Variants in ZNF683 observed in about 807,000 individuals in gnomAD.
ZNF683 encodes zinc finger protein 683, also known as tissue-resident T-cell transcription regulator protein ZNF683.
ZNF683 carries 20 observed loss-of-function variants against 31.4 expected under a neutral mutation model. The observed-to-expected ratio is 0.64, with a 90% CI of 0.45 to 0.93. The LOEUF is 0.93. Among genes scored for constraint, ZNF683 ranks in the 40% least tolerant of loss-of-function variants. ZNF683 has a pLI of 0.00. For missense variants in ZNF683, 621 were observed against 637.2 expected (o/e 0.97, Z 0.27); for synonymous variants, 264 against 267.6 (o/e 0.99, Z 0.13).
chr1:26,372,420 A>G (rs1000357740), intron 1 of ZNF683: 1 of 1,242,938 alleles, frequency 8.0e-7, no homozygotes, highest in Non-Finnish European at 1.1e-6. Context: ...ACCTCCCATT[A>G]TAAAAGCCGA....
In ZNF683 at chr1:26,368,459, T is replaced by G; in HGVS notation, c.113A>C (p.Gln38Pro). ...SLDFQLFRGDQVFSACRPLPD... is the reference protein window; with the variant it reads ...SLDFQLFRGDPVFSACRPLPD... ...GGTAAGGCTGGGGTTCTACCTTACC[T>G]GGTCACCTCGGAAGAGCTGGAAGTC... Residue 38 changes from glutamine to proline, a missense_variant and splice_region_variant, in exon 2 of 6, where the codon CAG (glutamine) becomes CCG (proline). By Grantham distance (76) the Gln-to-Pro change is moderately conservative. Transcript: ENST00000349618. The G allele has an allele frequency of 6.3e-7, 1 of 1,584,464 alleles. No homozygotes were observed.
At chr1:26,371,540 C>T (rs1394927596) in intron 1 of ZNF683, among the ~76,000 whole-genome samples, 2 of 151,336 alleles carry the variant, frequency 1.3e-5, no homozygotes, top group Non-Finnish European at 2.9e-5. Context: ...TATAAGGCTG[C>T]AGTGAACTAG....
intron 2 of ZNF683, among the ~76,000 whole-genome samples, chr1:26,368,256 C>A (rs2074578028): frequency 6.6e-6 from 1 of 152,226 alleles, no homozygotes; most frequent in Non-Finnish European, 1.5e-5. Flanking sequence ...TCTTATTCCC[C>A]ACAGGAGAGT....
At chr1:26,362,070 A>C in intron 5 of ZNF683, 48 bp from the exon 6 acceptor site, 2 of 1,614,010 alleles carry the variant, frequency 1.2e-6, no homozygotes, top group Non-Finnish European at 1.7e-6. Context: ...GGGCTGGCTC[A>C]GGCATTCTAC....
chr1:26,362,211 T>C (rs1398421643), intron 5 of ZNF683, 189 bp from the exon 6 acceptor site: 1 of 1,556,802 alleles, frequency 6.4e-7, no homozygotes, highest in African/African-American at 1.4e-5. Flanking sequence ...TGGGTTAGTG[T>C]CCTTTACTCC....
rs113902566 is a variant in ZNF683, at chr1:26,372,694, C to G, written c.-40G>C. On this transcript the variant is annotated 5_prime_UTR_variant, in exon 1 of 6. Coordinates refer to ENST00000349618, the MANE Select transcript of ZNF683 (RefSeq NM_001114759.3). ...TCTGGTGATCATGGGCTTTCCTTGG[C>G]TTGGGTCTCTGGTCTGGGTCAAGGC... 3.2e-3 allele frequency: 4,132 copies of G among 1,279,780 alleles called. 21 individuals carry two copies. Among genetic ancestry groups the G allele is most frequent in the Middle Eastern group, 0.012 (50 of 4,304 alleles). 79.3% of individuals were successfully genotyped at this position (1,279,780 alleles called of 1,614,324 possible).
chr1:26,366,804 T>C (rs1032655618), intron 3 of ZNF683, among the ~76,000 whole-genome samples: 1 of 151,946 alleles, frequency 6.6e-6, no homozygotes, highest in Non-Finnish European at 1.5e-5. Context: ...TACAGGCACC[T>C]GCCACCACCC....
Position 26,361,946 on chromosome 1 carries a change from T to C in ZNF683, c.1220A>G (p.Gln407Arg), listed in dbSNP as rs747435117. 6.2e-7 allele frequency: 1 copy of C among 1,613,970 alleles called. No homozygotes were observed. Among genetic ancestry groups the C allele is most frequent in the Admixed American group, 1.7e-5 (1 of 60,026 alleles). The change falls in exon 6 of 6, where the codon CAG becomes CGG. Residue 407 changes from glutamine to arginine, a missense_variant. Transcript: ENST00000349618. Reference sequence around the variant, plus strand: ...GAAGCGACTCCGGCAGACACTGCACTGGAAGGGCCGGGCCCCGGAGTGCAG... The same window carrying C: ...GAAGCGACTCCGGCAGACACTGCACCGGAAGGGCCGGGCCCCGGAGTGCAG... ...LRLHSGARPF[Q>R]CSVCRSRFTQ...
chr1:26,367,265 C>A (rs1271956951), intron 3 of ZNF683, among the ~76,000 whole-genome samples: 1 of 145,302 alleles, frequency 6.9e-6, no homozygotes, highest in Non-Finnish European at 1.5e-5. Flanking sequence ...GACTCCATCT[C>A]AAAAACAAAC....
At chr1:26,365,909 G>A (rs1482337659) in intron 3 of ZNF683, among the ~76,000 whole-genome samples, 9 of 151,916 alleles carry the variant, frequency 5.9e-5, no homozygotes, top group South Asian at 2.1e-4. Flanking sequence ...GGCTGGGCAC[G>A]GTGGCTCACG....
In ZNF683 at chr1:26,370,607, G is replaced by A. The variant is rs541731259; in HGVS notation, c.-14-2022C>T. 1.9e-4 allele frequency: 180 copies of A among 965,140 alleles called. 2 individuals carry two copies. The South Asian group carries it at 7.1e-3, about 38-fold the overall frequency. The allele number at this position is 965,140 out of a possible 1,614,324, so 59.8% of individuals were successfully genotyped here. ...TCCCTCTTTCCTCACTCCTCCCAAC[G>A]CTGCTTCAGGTCTCAAAGCAAATAC... On this transcript the variant is annotated intron_variant, in intron 1 of 5. Coordinates refer to ENST00000349618, the MANE Select transcript of ZNF683 (RefSeq NM_001114759.3).
chr1:26,362,883 G>A, intron 5 of ZNF683, 143 bp downstream of exon 5: 1 of 1,129,056 alleles, frequency 8.9e-7, no homozygotes, highest in Non-Finnish European at 1.2e-6. Flanking sequence ...GCTGAGAGGA[G>A]TCATTTTCAA....
At chr1:26,372,533 A>G in intron 1 of ZNF683, 136 bp downstream of exon 1, 3 of 1,304,700 alleles carry the variant, frequency 2.3e-6, no homozygotes, top group Non-Finnish European at 3.0e-6. Context: ...TGACCCGCAC[A>G]CCTTTGGCTT....
chr1:26,368,594 C>G lies in ZNF683; in HGVS notation c.-14-9G>C. On this transcript the variant is annotated splice_polypyrimidine_tract_variant and intron_variant, in intron 1 of 5. Transcript: ENST00000349618. ...CATATCCCCATTACCTGCTGGGAAA[C>G]AGGTGAGTTAGAGGTAAGCTGTGAA... 6.3e-7 allele frequency: 1 copy of G among 1,585,742 alleles called. No individual in the cohort carries two copies. The highest frequency in any genetic ancestry group is 8.6e-7 in the Non-Finnish European group (1 of 1,166,864).
intron 2 of ZNF683, 50 bp downstream of exon 2, chr1:26,368,408 C>G: frequency 6.7e-7 from 1 of 1,486,714 alleles, no homozygotes; most frequent in Non-Finnish European, 8.9e-7. Flanking sequence ...AATGTCACCT[C>G]CTACTATAAG....
At chr1:26,370,482 C>G (rs997169708) in intron 1 of ZNF683, among the ~76,000 whole-genome samples, 3 of 152,214 alleles carry the variant, frequency 2.0e-5, no homozygotes, top group African/African-American at 7.2e-5. Flanking sequence ...CCCAAGACCC[C>G]TTCCCCGTCA....
chr1:26,367,538 C>A lies in ZNF683; in HGVS notation c.319+55G>T, dbSNP rs1322343277. On this transcript the variant is annotated intron_variant, in intron 3 of 5. Transcript: ENST00000349618. The stretch of plus-strand genomic sequence containing the variant: ...CACCCATCCCCAAACCTAGCAGTGC[C>A]CCCCACCCTCCAGCCTCTGCCAGGC... 9.6e-6 allele frequency: 14 copies of A among 1,465,720 alleles called. No individual in the cohort carries two copies. The East Asian group carries it at 3.0e-4, about 31-fold the overall frequency. The allele number at this position is 1,465,720 out of a possible 1,614,324, so 90.8% of individuals were successfully genotyped here. A position where few individuals can be genotyped will look rare whatever the true frequency, so the allele number is the denominator to read the frequency against.
chr1:26,368,500 G>C lies in ZNF683; in HGVS notation c.72C>G (p.Ser24=). 3 of 1,601,866 alleles carry C rather than the reference G, an allele frequency of 1.9e-6. No individual in the cohort carries two copies. The highest frequency in any genetic ancestry group is 2.6e-6 in the Non-Finnish European group (3 of 1,174,218). The change falls in exon 2 of 6, where the codon TCC becomes TCG. Residue 24 remains serine, a synonymous_variant. Coordinates refer to ENST00000349618, the MANE Select transcript of ZNF683 (RefSeq NM_001114759.3). ...RPMALGGTGG[S]LSPSLDFQLF... is the part of the protein sequence containing the mutation. ...GCTGGAAGTCCAGGCTGGGGGACAG[G>C]GAGCCCCCTGTACCTCCCAGGGCCA...
chr1:26,369,164 G>C (rs1179580926), intron 1 of ZNF683, among the ~76,000 whole-genome samples: 4 of 151,902 alleles, frequency 2.6e-5, no homozygotes, highest in Non-Finnish European at 4.4e-5. Flanking sequence ...AGAATCACTT[G>C]AACCTGGGAG....
Sources: allele counts gnomAD v4.1 joint callset (sites outside exome capture counted in the v4.1 genomes callset), GRCh38; gene constraint gnomAD v4.1.1; transcripts MANE v1.5; gene names NCBI Gene and HGNC (gene_info 2026-07-23, HGNC 2026-07-21).